Variants in CMAS observed in about 807,000 individuals in gnomAD.
CMAS encodes cytidine monophosphate N-acetylneuraminic acid synthetase, also known as N-acylneuraminate cytidylyltransferase.
In CMAS, 21 loss-of-function variants were observed where a neutral mutation model predicts 53.4. That is an observed-to-expected ratio of 0.39 (90% confidence interval 0.28 to 0.57). The LOEUF (loss-of-function observed/expected upper bound fraction) is 0.57. CMAS is among the 20% of genes least tolerant of loss of function. The probability of loss-of-function intolerance (pLI) is 0.56; values close to 1 mark genes in which losing one functional copy is unlikely to be tolerated. For synonymous variants in CMAS, 189 were observed against 195.2 expected (o/e 0.97, Z 0.27); for missense variants, 384 against 534.9 (o/e 0.72, Z 2.78).
chr12:22,065,492 C>G lies in CMAS; in HGVS notation c.*181C>G, dbSNP rs1950341642. The stretch of plus-strand genomic sequence containing the variant: ...TAATTATTTAGAGACTGATTACAGT[C>G]TTTCTCAGATTTTTAGTAAATGCAA... On this transcript the variant is annotated 3_prime_UTR_variant, in exon 8 of 8. Coordinates refer to ENST00000229329, the MANE Select transcript of CMAS (RefSeq NM_018686.6). 1 of 542,910 alleles carries G rather than the reference C, an allele frequency of 1.8e-6. No homozygotes were observed. The highest frequency in any genetic ancestry group is 3.3e-6 in the Non-Finnish European group (1 of 306,744). 33.6% of individuals were successfully genotyped at this position (542,910 alleles called of 1,614,324 possible).
Position 22,046,295 on chromosome 12 carries a change from G to C in CMAS, c.-9G>C. 1 of 1,450,826 alleles carries C rather than the reference G, an allele frequency of 6.9e-7. No individual in the cohort carries two copies. Among genetic ancestry groups the C allele is most frequent in the East Asian group, 2.8e-5 (1 of 35,942 alleles). The allele number at this position is 1,450,826 out of a possible 1,614,324, so 89.9% of individuals were successfully genotyped here. A position where few individuals can be genotyped will look rare whatever the true frequency, so the allele number is the denominator to read the frequency against. On this transcript the variant is annotated 5_prime_UTR_variant, in exon 1 of 8. Transcript: ENST00000229329. ...TGTGGAGAAGCTGGGGAGAAGGCGT[G>C]GGAGGAAGATGGACTCGGTGGAGAA...
At chr12:22,059,128 T>TTATATATA (rs1216405572) in intron 4 of CMAS, among the ~76,000 whole-genome samples, 1 of 136,952 alleles carries the variant, frequency 7.3e-6, no homozygotes, top group African/African-American at 2.7e-5. Context: ...CGGAATCTTT[T>TTATATATA]TATATATATA....
chr12:22,055,189 G>A lies in CMAS; in HGVS notation c.301G>A (p.Ala101Thr). 1 of 1,613,452 alleles carries A rather than the reference G, an allele frequency of 6.2e-7. No individual in the cohort carries two copies. Among genetic ancestry groups the A allele is most frequent in the African/African-American group, 1.3e-5 (1 of 74,978 alleles). Residue 101 changes from alanine (A) to threonine (T), a missense_variant, in exon 2 of 8, where the codon GCC becomes ACC. Transcript: ENST00000229329. ...AGACCATGATGAAATTGAGAATGTG[G>A]CCAAACAATTTGGTGCACAAGTTCA... is the stretch of plus-strand genomic sequence containing the variant. ...STDHDEIENV[A>T]KQFGAQVHRR...
In CMAS at chr12:22,065,407, A is replaced by G; in HGVS notation, c.*96A>G. On this transcript the variant is annotated 3_prime_UTR_variant, in exon 8 of 8. Coordinates refer to ENST00000229329, the MANE Select transcript of CMAS (RefSeq NM_018686.6). Reference sequence around the variant, plus strand: ...TAAATTCCATGTTGTAATGTTACAGAGAGTGTGATTTGGTTTGTGATATAT... The same window carrying G: ...TAAATTCCATGTTGTAATGTTACAGGGAGTGTGATTTGGTTTGTGATATAT... 2 of 948,034 alleles carry G rather than the reference A, an allele frequency of 2.1e-6. No individual in the cohort carries two copies. The highest frequency in any genetic ancestry group is 3.1e-5 in the South Asian group (2 of 63,578). 58.7% of individuals were successfully genotyped at this position (948,034 alleles called of 1,614,324 possible). A position where few individuals can be genotyped will look rare whatever the true frequency, so the allele number is the denominator to read the frequency against.
chr12:22,058,148 C>T (rs185741068), intron 3 of CMAS, among the ~76,000 whole-genome samples: 5 of 151,240 alleles, frequency 3.3e-5, no homozygotes, highest in East Asian at 2.0e-4. Flanking sequence ...TTTATCAGGC[C>T]GGGTGCAGTG....
At chr12:22,058,502 A>G in intron 3 of CMAS, 65 bp from the exon 4 acceptor site, 1 of 1,402,036 alleles carries the variant, frequency 7.1e-7, no homozygotes, top group Non-Finnish European at 9.8e-7. Context: ...TAACTTTTTT[A>G]GTTACTAAAT....
At chr12:22,046,586 G>A (rs1479916653) in intron 1 of CMAS, 23 bp downstream of exon 1, 21 of 1,507,500 alleles carry the variant, frequency 1.4e-5, no homozygotes, top group Non-Finnish European at 1.9e-5. Context: ...GAGAGTGGGC[G>A]GCGCGGCCTG....
intron 7 of CMAS, among the ~76,000 whole-genome samples, chr12:22,063,581 T>C (rs2418037): frequency 0.49 from 73,706 of 151,848 alleles, 19,532 homozygotes; most frequent in East Asian, 0.87. Flanking sequence ...AAGTGTATCA[T>C]TTATATAGGT....
intron 5 of CMAS, among the ~76,000 whole-genome samples, 167 bp from the exon 6 acceptor site, chr12:22,061,114 A>G (rs1235470535): frequency 6.6e-6 from 1 of 152,206 alleles, no homozygotes; most frequent in Non-Finnish European, 1.5e-5. Context: ...AGACCACACT[A>G]CTTTTACTTA....
intron 7 of CMAS, among the ~76,000 whole-genome samples, chr12:22,064,318 T>G (rs2138191497): frequency 6.6e-6 from 1 of 152,252 alleles, no homozygotes. Flanking sequence ...AGGATATCGT[T>G]ATGTCAGTAT....
At chr12:22,059,957 G>C (rs1565531380) in intron 4 of CMAS, among the ~76,000 whole-genome samples, 1 of 152,018 alleles carries the variant, frequency 6.6e-6, no homozygotes, top group African/African-American at 2.4e-5. Flanking sequence ...TCAAGAGACT[G>C]CCCTTGCCTT....
intron 1 of CMAS, among the ~76,000 whole-genome samples, chr12:22,050,368 T>C (rs377689488): frequency 6.6e-6 from 1 of 152,226 alleles, no homozygotes; most frequent in Non-Finnish European, 1.5e-5. Flanking sequence ...AGTGAGATAA[T>C]GTACGTGCAG....
At chr12:22,055,343 C>T (rs761434982) in intron 2 of CMAS, 52 bp downstream of exon 2, 23 of 1,485,702 alleles carry the variant, frequency 1.5e-5, no homozygotes, top group Non-Finnish European at 2.0e-5. Context: ...TTTCTACTTC[C>T]TTTATTATCT....
intron 5 of CMAS, 129 bp downstream of exon 5, chr12:22,061,055 A>T: frequency 1.4e-6 from 1 of 710,918 alleles, no homozygotes; most frequent in Non-Finnish European, 2.4e-6. Flanking sequence ...GAAGACATGT[A>T]AAATATGTGT....
At chr12:22,060,382 A>C (rs536958050) in intron 4 of CMAS, among the ~76,000 whole-genome samples, 1 of 127,964 alleles carries the variant, frequency 7.8e-6, no homozygotes, top group South Asian at 2.9e-4. Flanking sequence ...TGGCTGAAGC[A>C]TGTCATCCCA....
At chr12:22,058,479 A>T (rs1950284067) in intron 3 of CMAS, 88 bp from the exon 4 acceptor site, 6 of 1,141,560 alleles carry the variant, frequency 5.3e-6, no homozygotes, top group African/African-American at 1.6e-5. Flanking sequence ...CTGCATTCTG[A>T]GTTCATTTTT....
chr12:22,064,905 T>C (rs1234947935), intron 7 of CMAS, among the ~76,000 whole-genome samples: 1 of 152,226 alleles, frequency 6.6e-6, no homozygotes, highest in Non-Finnish European at 1.5e-5. Context: ...CTTCTCTAGC[T>C]CATAAGAGTT....
chr12:22,056,913 CTCTTT>C (rs1335851301), intron 3 of CMAS, among the ~76,000 whole-genome samples: 1 of 152,128 alleles, frequency 6.6e-6, no homozygotes, highest in Non-Finnish European at 1.5e-5. Flanking sequence ...ATTTGTCCCT[CTCTTT>C]TCTTCAAAGT....
intron 1 of CMAS, 146 bp from the exon 2 acceptor site, chr12:22,055,003 A>G (rs947251561): frequency 1.5e-5 from 7 of 473,466 alleles, no homozygotes; most frequent in African/African-American, 1.4e-4. Context: ...CTTACATTTT[A>G]TACTCCTTTG....
Sources: gnomAD v4.1 joint callset for allele counts (sites outside exome capture counted in the v4.1 genomes callset) on GRCh38, gnomAD v4.1.1 for gene constraint, MANE v1.5 for transcripts, NCBI Gene and HGNC (gene_info 2026-07-23, HGNC 2026-07-21) for gene names.